Variants in VPS35L observed in about 807,000 individuals in gnomAD.
The protein encoded by VPS35L is VPS35 endosomal protein sorting factor like.
A neutral mutation model predicts 133.0 loss-of-function variants in VPS35L; 83 were observed. The ratio of observed to expected loss-of-function variants is 0.62; its 90% CI spans 0.52 to 0.75. VPS35L has a LOEUF of 0.75. Ranked by LOEUF, VPS35L falls within the 30% of genes least tolerant of loss-of-function variation. VPS35L has a pLI of 0.00. For synonymous variants in VPS35L, 423 were observed against 449.9 expected (o/e 0.94, Z 0.76); for missense variants, 1,083 against 1,206.8 (o/e 0.90, Z 1.52).
chr16:19,659,813 A>C (rs1974420617), intron 26 of VPS35L, among the ~76,000 whole-genome samples: 1 of 152,182 alleles, frequency 6.6e-6, no homozygotes, highest in Non-Finnish European at 1.5e-5. Flanking sequence ...ATATGTCTGG[A>C]TGTTGCATTT....
intron 8 of VPS35L, among the ~76,000 whole-genome samples, chr16:19,596,534 C>T (rs1325841035): frequency 6.6e-6 from 1 of 151,946 alleles, no homozygotes; most frequent in Non-Finnish European, 1.5e-5. Flanking sequence ...CTTGGCCTCC[C>T]AAAGTGCTGG....
At chr16:19,609,251 A>G (rs1268623506) in intron 11 of VPS35L, among the ~76,000 whole-genome samples, 1 of 152,222 alleles carries the variant, frequency 6.6e-6, no homozygotes, top group Non-Finnish European at 1.5e-5. Flanking sequence ...GAAGTTGGTT[A>G]AGGAGGTCAT....
chr16:19,621,360 T>G (rs1018409734), intron 14 of VPS35L, among the ~76,000 whole-genome samples: 5 of 152,246 alleles, frequency 3.3e-5, no homozygotes, highest in African/African-American at 1.2e-4. Context: ...TCTTGATGCA[T>G]GTCGATGTTG....
chr16:19,555,971 T>G (rs890211999), intron 1 of VPS35L, among the ~76,000 whole-genome samples: 9 of 152,174 alleles, frequency 5.9e-5, no homozygotes, highest in African/African-American at 2.2e-4. Context: ...GCTGCCTCTC[T>G]GCGCCTTCCA....
chr16:19,586,333 A>G (rs1971863512), intron 7 of VPS35L, among the ~76,000 whole-genome samples: 1 of 148,710 alleles, frequency 6.7e-6, no homozygotes, highest in South Asian at 2.1e-4. Context: ...GTATGTGTAT[A>G]TTTATTTATT....
At chr16:19,561,258 C>G (rs1414034570) in intron 1 of VPS35L, among the ~76,000 whole-genome samples, 2 of 151,944 alleles carry the variant, frequency 1.3e-5, no homozygotes, top group African/African-American at 4.8e-5. Flanking sequence ...GTAGTCCCAG[C>G]TACTAGGGAG....
chr16:19,574,524 C>T (rs1218856011), intron 4 of VPS35L, among the ~76,000 whole-genome samples: 2 of 152,086 alleles, frequency 1.3e-5, no homozygotes, highest in Non-Finnish European at 2.9e-5. Flanking sequence ...CGCCTCTTCT[C>T]TTCATTTTTT....
At chr16:19,700,287 A>T in intron 30 of VPS35L, 91 bp from the exon 31 acceptor site, 1 of 1,157,162 alleles carries the variant, frequency 8.6e-7, no homozygotes, top group Non-Finnish European at 1.3e-6. Context: ...CTGCTAAGAA[A>T]TCTAAGCTCA....
At chr16:19,575,066 T>G (rs376960065) in intron 4 of VPS35L, 32 bp from the exon 5 acceptor site, 8 of 1,569,208 alleles carry the variant, frequency 5.1e-6, no homozygotes, top group Admixed American at 1.8e-5. Flanking sequence ...CCTTCGATTT[T>G]TAAAATATTA....
intron 29 of VPS35L, among the ~76,000 whole-genome samples, chr16:19,698,841 G>A (rs1192982571): frequency 2.0e-5 from 3 of 152,166 alleles, no homozygotes; most frequent in African/African-American, 7.2e-5. Flanking sequence ...CCTGGGCCTG[G>A]TGTTGCATTC....
At chr16:19,672,802 G>A (rs1383116066) in intron 27 of VPS35L, among the ~76,000 whole-genome samples, 2 of 152,158 alleles carry the variant, frequency 1.3e-5, no homozygotes, top group Non-Finnish European at 2.9e-5. Context: ...AAGTGAGAAG[G>A]CAAAAGAAAA....
rs368840853 is a variant in VPS35L at position 19,616,604 on chromosome 16, GCA to G, written c.1102-79_1102-78del. 3.2e-5 allele frequency: 49 copies of G among 1,528,578 alleles called. No individual in the cohort carries two copies. The African/African-American group carries it at 3.3e-4, about 10-fold the overall frequency. 94.7% of individuals were successfully genotyped at this position (1,528,578 alleles called of 1,614,324 possible). A position where few individuals can be genotyped will look rare whatever the true frequency, so the allele number is the denominator to read the frequency against. ...GGGCTGTCCACATGCTTACAAGTAT[GCA>G]CAGTCTGTGAGTTGTGTATGTTTTG... On this transcript the variant is annotated intron_variant, in intron 13 of 30. Coordinates refer to ENST00000417362, the MANE Select transcript of VPS35L (RefSeq NM_020314.7).
chr16:19,567,635 G>A (rs1249741146), intron 2 of VPS35L, among the ~76,000 whole-genome samples: 1 of 152,076 alleles, frequency 6.6e-6, no homozygotes, highest in East Asian at 1.9e-4. Flanking sequence ...ATCGCCGGCA[G>A]TTGGCATCTG....
intron 29 of VPS35L, among the ~76,000 whole-genome samples, chr16:19,696,155 A>G (rs570915748): frequency 6.6e-6 from 1 of 152,284 alleles, no homozygotes; most frequent in Non-Finnish European, 1.5e-5. Context: ...AAGTACTGGG[A>G]TTACAGGCAT....
At chr16:19,600,749 G>C (rs865777587) in intron 8 of VPS35L, among the ~76,000 whole-genome samples, 1 of 152,212 alleles carries the variant, frequency 6.6e-6, no homozygotes, top group African/African-American at 2.4e-5. Flanking sequence ...GCACGCTGAT[G>C]ATGAGAGACA....
intron 4 of VPS35L, 43 bp from the exon 5 acceptor site, chr16:19,575,055 G>A (rs370252601): frequency 9.7e-5 from 148 of 1,526,894 alleles, no homozygotes; most frequent in Non-Finnish European, 1.3e-4. Flanking sequence ...TGAACATACT[G>A]CCTTCGATTT....
At chr16:19,576,373 G>A (rs750747681) in intron 5 of VPS35L, among the ~76,000 whole-genome samples, 2 of 152,046 alleles carry the variant, frequency 1.3e-5, no homozygotes, top group Non-Finnish European at 2.9e-5. Context: ...AGTCTTATAC[G>A]TCACTGGTCC....
intron 21 of VPS35L, among the ~76,000 whole-genome samples, chr16:19,641,473 GA>G (rs138764824): frequency 0.06 from 9,122 of 151,698 alleles, 714 homozygotes; most frequent in African/African-American, 0.18. Context: ...ACAGGGTTAA[GA>G]AAAAAAAGCT....
intron 27 of VPS35L, among the ~76,000 whole-genome samples, chr16:19,674,827 G>A (rs1390524934): frequency 6.6e-6 from 1 of 151,956 alleles, no homozygotes; most frequent in African/African-American, 2.4e-5. Flanking sequence ...CCTGCAACTG[G>A]CTTATTTCAC....
Sources: allele counts gnomAD v4.1 joint callset (sites outside exome capture counted in the v4.1 genomes callset), GRCh38; gene constraint gnomAD v4.1.1; transcripts MANE v1.5; gene names NCBI Gene and HGNC (gene_info 2026-07-23, HGNC 2026-07-21).